The following CADM1 variants were observed in gnomAD, a reference collection of about 807,000 sequenced individuals.
CADM1 encodes the protein cell adhesion molecule 1.
In CADM1, 15 loss-of-function variants were observed where a neutral mutation model predicts 53.1. The observed-to-expected ratio is 0.28, with a 90% CI of 0.19 to 0.44. CADM1 has a LOEUF of 0.44. Ranked by LOEUF, CADM1 falls within the 20% of genes least tolerant of loss-of-function variation. CADM1 has a pLI of 1.00. For synonymous variants in CADM1, 281 were observed against 243.0 expected, an observed-to-expected ratio of 1.16 and a Z score of -1.45; for missense variants, 434 against 611.3, an observed-to-expected ratio of 0.71 and a Z score of 3.06.
chr11:115,352,084 A>ACACCACTG (rs1264016477), intron 1 of CADM1, among the ~76,000 whole-genome samples: 1 of 152,188 alleles, frequency 6.6e-6, no homozygotes, highest in African/African-American at 2.4e-5. Flanking sequence ...AGTGATGAAA[A>ACACCACTG]CACCACTGCC....
At chr11:115,349,437 G>A (rs755636408) in intron 1 of CADM1, among the ~76,000 whole-genome samples, 1 of 152,144 alleles carries the variant, frequency 6.6e-6, no homozygotes, top group Non-Finnish European at 1.5e-5. Flanking sequence ...TAAAACAATG[G>A]CTAGTTTGGG....
chr11:115,478,355 A>C (rs1160356572), intron 1 of CADM1, among the ~76,000 whole-genome samples: 1 of 152,200 alleles, frequency 6.6e-6, no homozygotes, highest in African/African-American at 2.4e-5. Context: ...AAAATAACTG[A>C]AAATGTGAAG....
intron 2 of CADM1, among the ~76,000 whole-genome samples, chr11:115,238,877 C>T (rs1942110276): frequency 1.3e-5 from 2 of 151,142 alleles, no homozygotes; most frequent in Admixed American, 6.6e-5. Flanking sequence ...TATATATATG[C>T]ACACATATAT....
intron 3 of CADM1, among the ~76,000 whole-genome samples, chr11:115,234,352 G>C (rs568107270): frequency 1.1e-4 from 16 of 152,268 alleles, no homozygotes; most frequent in African/African-American, 3.9e-4. Flanking sequence ...GATAAGGATC[G>C]AGGAAAATTC....
rs149320123 is a variant in CADM1 at position 115,215,579 on chromosome 11, G to C, written c.822-799C>G. Among the ~76,000 whole-genome samples, 333 of 152,286 alleles carry C rather than the reference G, an allele frequency of 2.2e-3. 1 individual carries two copies. The highest frequency in any genetic ancestry group is 0.017 in the Middle Eastern group (5 of 294). Reference sequence around the variant, plus strand: ...TTCCACATGGATCCCTTAGGGCCCAGGGCATTTGCTCATCAGAGACAAGTT... The same window carrying C: ...TTCCACATGGATCCCTTAGGGCCCACGGCATTTGCTCATCAGAGACAAGTT... On this transcript the variant is annotated intron_variant, in intron 6 of 11. Transcript: ENST00000331581.
chr11:115,248,732 T>C lies in CADM1; in HGVS notation c.125-8312A>G, dbSNP rs540846171. On this transcript the variant is annotated intron_variant, in intron 1 of 11. Coordinates refer to ENST00000331581, the MANE Select transcript of CADM1 (RefSeq NM_001301043.2). ...GATAGCATCTTTTTTAGAGAGAAGA[T>C]AGGATAACCCTGAAGAAAAACTCTC... 6.1e-4 allele frequency among the ~76,000 whole-genome samples: 93 copies of C among 152,260 alleles called. No homozygotes were observed. In the Middle Eastern group the frequency reaches 0.024, roughly 39 times the overall value.
chr11:115,334,457 C>T (rs895927984), intron 1 of CADM1, among the ~76,000 whole-genome samples: 14 of 145,786 alleles, frequency 9.6e-5, no homozygotes, highest in African/African-American at 3.6e-4. Context: ...TTGATGAGTA[C>T]AGTACTCATC....
chr11:115,456,471 T>C (rs545589912), intron 1 of CADM1, among the ~76,000 whole-genome samples: 60 of 152,314 alleles, frequency 3.9e-4, no homozygotes, highest in South Asian at 8.3e-4. Context: ...TTTGATTTTA[T>C]ATAATTTTAT....
intron 1 of CADM1, among the ~76,000 whole-genome samples, chr11:115,283,387 C>A (rs1943638783): frequency 6.6e-6 from 1 of 152,072 alleles, no homozygotes; most frequent in Admixed American, 6.5e-5. Context: ...GAGTTCACTG[C>A]CCCTAAGCAA....
intron 1 of CADM1, among the ~76,000 whole-genome samples, chr11:115,353,197 G>A (rs567189178): frequency 1.3e-5 from 2 of 152,296 alleles, no homozygotes; most frequent in South Asian, 2.1e-4. Context: ...TAACTGGCAT[G>A]AGTGGACACA....
chr11:115,361,797 C>G (rs1054467706), intron 1 of CADM1, among the ~76,000 whole-genome samples: 9 of 152,034 alleles, frequency 5.9e-5, no homozygotes, highest in Admixed American at 3.9e-4. Flanking sequence ...CACAATCATG[C>G]CTTATTGCAG....
rs150609612 is a variant in CADM1 at position 115,351,539 on chromosome 11, C to T, written c.125-111119G>A. ...CCAACATCAGTAAGACTGAAATCAG[C>T]GAGCAATGAAGTCTTCAGATTCTCC... On this transcript the variant is annotated intron_variant, in intron 1 of 11. Coordinates refer to ENST00000331581, the MANE Select transcript of CADM1 (RefSeq NM_001301043.2). Among the ~76,000 whole-genome samples, 643 of 152,238 alleles carry T rather than the reference C, an allele frequency of 4.2e-3. 3 individuals are homozygous for T. The highest frequency in any genetic ancestry group is 0.01 in the Middle Eastern group (3 of 292).
At chr11:115,502,604 A>G (rs1207480238) in intron 1 of CADM1, among the ~76,000 whole-genome samples, 2 of 151,876 alleles carry the variant, frequency 1.3e-5, no homozygotes, top group African/African-American at 2.4e-5. Flanking sequence ...AAACACATAA[A>G]CAACATCCGG....
At chr11:115,284,220 T>A (rs1943670790) in intron 1 of CADM1, among the ~76,000 whole-genome samples, 1 of 151,674 alleles carries the variant, frequency 6.6e-6, no homozygotes, top group African/African-American at 2.4e-5. Flanking sequence ...TTGAAGACTT[T>A]CTGCTCCTAG....
intron 1 of CADM1, among the ~76,000 whole-genome samples, chr11:115,398,876 A>G (rs1947067335): frequency 6.6e-6 from 1 of 152,154 alleles, no homozygotes; most frequent in Admixed American, 6.6e-5. Flanking sequence ...GGTCTCCAAG[A>G]TTTCCTGAAT....
chr11:115,196,625 A>G (rs1940169211), intron 9 of CADM1, among the ~76,000 whole-genome samples: 1 of 128,800 alleles, frequency 7.8e-6, no homozygotes, highest in African/African-American at 2.9e-5. Context: ...AAAAAATCAC[A>G]AAACAATCTC....
At chr11:115,197,439 C>T (rs1940211821) in intron 9 of CADM1, among the ~76,000 whole-genome samples, 2 of 2,362 alleles carry the variant, frequency 8.5e-4, no homozygotes, top group Non-Finnish European at 2.2e-3. Flanking sequence ...AAATTCAGCC[C>T]AGTTTTAAAC....
intron 10 of CADM1, among the ~76,000 whole-genome samples, chr11:115,180,381 G>T (rs895571338): frequency 1.3e-5 from 2 of 152,192 alleles, no homozygotes; most frequent in Non-Finnish European, 2.9e-5. Flanking sequence ...GCAGCAGCAG[G>T]TCGCCCAGGA....
chr11:115,383,293 T>C (rs1443588413), intron 1 of CADM1, among the ~76,000 whole-genome samples: 6 of 152,104 alleles, frequency 3.9e-5, no homozygotes, highest in Non-Finnish European at 7.4e-5. Context: ...TTCAGAAATG[T>C]ACAAAAGGAG....
Sources: allele counts gnomAD v4.1 joint callset (sites outside exome capture counted in the v4.1 genomes callset), GRCh38; gene constraint gnomAD v4.1.1; transcripts MANE v1.5; gene names NCBI Gene and HGNC (gene_info 2026-07-23, HGNC 2026-07-21).